ICMT: variants seen among roughly 807,000 people sequenced by gnomAD.
ICMT encodes the protein isoprenylcysteine carboxyl methyltransferase.
A neutral mutation model predicts 32.2 loss-of-function variants in ICMT; 10 were observed. That is an observed-to-expected ratio of 0.31 (90% CI 0.19 to 0.53). The LOEUF is 0.53. Ranked by LOEUF, ICMT falls within the 20% of genes least tolerant of loss-of-function variation. The pLI is 0.96. For synonymous variants in ICMT, 183 were observed against 158.2 expected (o/e 1.16, Z -1.18); for missense variants, 265 against 356.9 (o/e 0.74, Z 2.07).
chr1:6,225,366 C>T, intron 4 of ICMT, 104 bp from the exon 5 acceptor site: 1 of 1,084,546 alleles, frequency 9.2e-7, no homozygotes, highest in East Asian at 2.4e-5. Flanking sequence ...GTGCCCATGC[C>T]CTGCTGAGAC....
rs142874431 is a variant in ICMT, at chr1:6,223,487, GA to G, written c.*1592del. 17,781 of 152,440 alleles carry G rather than the reference GA, an allele frequency of 0.12. 1,366 individuals are homozygous for G. The highest frequency in any genetic ancestry group is 0.18 in the East Asian group (916 of 5,182). 9.4% of individuals were successfully genotyped at this position (152,440 alleles called of 1,614,324 possible). On this transcript the variant is annotated 3_prime_UTR_variant, in exon 5 of 5. Coordinates refer to ENST00000343813, the MANE Select transcript of ICMT (RefSeq NM_012405.4). ...ACAATGAAAAAATTCATTAAGCCATGAAATCTAGAAATAAGTCATATTTCTG... is the reference window on the plus strand; with the variant it reads ...ACAATGAAAAAATTCATTAAGCCATGAATCTAGAAATAAGTCATATTTCTG...
At chr1:6,234,756 C>T (rs994557642) in intron 2 of ICMT, 130 bp downstream of exon 2, 1 of 735,832 alleles carries the variant, frequency 1.4e-6, no homozygotes, top group South Asian at 1.6e-5. Context: ...AGCCAGGAGA[C>T]TTCGTTTCCA....
At chr1:6,231,805 A>T in intron 4 of ICMT, 97 bp downstream of exon 4, 1 of 772,892 alleles carries the variant, frequency 1.3e-6, no homozygotes, top group Non-Finnish European at 2.0e-6. Flanking sequence ...CTAATTGTAT[A>T]TTTTGAAATG....
rs922919012 is a variant in ICMT, at chr1:6,221,597, G to A, written c.*3483C>T. The A allele has an allele frequency of 1.3e-5, 2 of 152,694 alleles. No individual in the cohort carries two copies. The highest frequency in any genetic ancestry group is 2.1e-4 in the South Asian group (1 of 4,828). 9.5% of individuals were successfully genotyped at this position (152,694 alleles called of 1,614,324 possible). ...TACTCCTAAGCAGCTAGCTGTTGGC[G>A]AGATCTTACAAAGCCTGATCGGCTA... On this transcript the variant is annotated 3_prime_UTR_variant, in exon 5 of 5. Coordinates refer to ENST00000343813, the MANE Select transcript of ICMT (RefSeq NM_012405.4).
intron 4 of ICMT, among the ~76,000 whole-genome samples, chr1:6,228,926 C>T (rs989500526): frequency 1.1e-4 from 16 of 151,278 alleles, no homozygotes; most frequent in Non-Finnish European, 1.2e-4. Context: ...CAGCTACTCG[C>T]GGGGGCTGAG....
Position 6,235,775 on chromosome 1 carries a change from A to G in ICMT, c.137T>C (p.Leu46Pro). 7.5e-7 allele frequency: 1 copy of G among 1,341,256 alleles called. No individual in the cohort carries two copies. Among genetic ancestry groups the G allele is most frequent in the Non-Finnish European group, 9.6e-7 (1 of 1,037,102 alleles). 83.1% of individuals were successfully genotyped at this position (1,341,256 alleles called of 1,614,324 possible). Reference protein sequence around the residue: ...AGLQGRTGLALYVAGLNALLL... With the variant: ...AGLQGRTGLAPYVAGLNALLL... ...CAGCGCGTTGAGCCCGGCCACGTAG[A>G]GCGCCAGCCCGGTGCGGCCCTGCAG... Residue 46 changes from leucine (L) to proline (P), a missense_variant, in exon 1 of 5, where the codon CTC (leucine) becomes CCC (proline). Physicochemically the swap from Leu to Pro is moderately conservative, Grantham distance 98 (BLOSUM62 -3). Transcript: ENST00000343813.
Position 6,235,951 on chromosome 1 carries a change from T to TGC in ICMT, c.-41_-40insGC, listed in dbSNP as rs570018891. On this transcript the variant is annotated 5_prime_UTR_variant, in exon 1 of 5. Coordinates refer to ENST00000343813, the MANE Select transcript of ICMT (RefSeq NM_012405.4). ...GACTAGCGGGCGGCGGCGCCGGCTG[T>TGC]AGCCCGGAGAAACGCGCCGGCTGCG... 1.9e-5 allele frequency: 19 copies of TGC among 1,026,646 alleles called. No individual in the cohort carries two copies. Among genetic ancestry groups the TGC allele is most frequent in the African/African-American group, 5.3e-5 (3 of 57,104 alleles). The allele number at this position is 1,026,646 out of a possible 1,614,324, so 63.6% of individuals were successfully genotyped here. A position where few individuals can be genotyped will look rare whatever the true frequency, so the allele number is the denominator to read the frequency against.
intron 4 of ICMT, among the ~76,000 whole-genome samples, chr1:6,227,229 C>T (rs1373130886): frequency 6.6e-6 from 1 of 152,218 alleles, no homozygotes; most frequent in Admixed American, 6.5e-5. Flanking sequence ...TTCTAGTGCA[C>T]ACACATATAC....
intron 2 of ICMT, among the ~76,000 whole-genome samples, chr1:6,234,182 GT>G (rs1287169991): frequency 6.6e-6 from 1 of 152,158 alleles, no homozygotes; most frequent in Non-Finnish European, 1.5e-5. Context: ...GCAAGGGACT[GT>G]TTTTGAATGT....
At chr1:6,234,831 C>T (rs1668792387) in intron 2 of ICMT, 55 bp downstream of exon 2, 4 of 1,259,216 alleles carry the variant, frequency 3.2e-6, no homozygotes, top group Non-Finnish European at 4.7e-6. Flanking sequence ...CCGCTACAGA[C>T]CCTCTGATCT....
chr1:6,224,948 A>T lies in ICMT; in HGVS notation c.*132T>A. ...CAGGCCTTCTGACCGCTTGGTCTTG[A>T]GTGACATTCCAGAAGAGTGACTAAT... On this transcript the variant is annotated 3_prime_UTR_variant, in exon 5 of 5. Coordinates refer to ENST00000343813, the MANE Select transcript of ICMT (RefSeq NM_012405.4). 1.2e-6 allele frequency: 1 copy of T among 859,322 alleles called. No homozygotes were observed. Among genetic ancestry groups the T allele is most frequent in the Non-Finnish European group, 1.8e-6 (1 of 547,412 alleles). The allele number at this position is 859,322 out of a possible 1,614,324, so 53.2% of individuals were successfully genotyped here.
chr1:6,234,563 C>A (rs1557603843), intron 2 of ICMT: 1 of 484,376 alleles, frequency 2.1e-6, no homozygotes, highest in Non-Finnish European at 4.0e-6. Flanking sequence ...CAGAGCCCTG[C>A]CCCTGCCCGC....
Position 6,225,167 on chromosome 1 carries a change from A to G in ICMT, c.768T>C (p.Ile256=). The change falls in exon 5 of 5, where the codon ATT becomes ATC. Residue 256 remains isoleucine (I), a synonymous_variant. Coordinates refer to ENST00000343813, the MANE Select transcript of ICMT (RefSeq NM_012405.4). ...DRTEEEEISL[I]HFFGEEYLEY... ...CCAGGTACTCCTCTCCAAAAAAGTG[A>G]ATTAGTGAGATTTCTTCTTCTTCTG... The G allele has an allele frequency of 6.2e-7, 1 of 1,614,074 alleles. No individual in the cohort carries two copies. Among genetic ancestry groups the G allele is most frequent in the Non-Finnish European group, 8.5e-7 (1 of 1,180,000 alleles).
At chr1:6,232,558 T>G (rs1277553060) in intron 3 of ICMT, among the ~76,000 whole-genome samples, 7 of 152,240 alleles carry the variant, frequency 4.6e-5, no homozygotes, top group Non-Finnish European at 1.0e-4. Flanking sequence ...CGGAGGCTTT[T>G]ATTTTTTGAG....
chr1:6,231,377 C>A (rs561952297), intron 4 of ICMT, among the ~76,000 whole-genome samples: 6 of 151,976 alleles, frequency 3.9e-5, no homozygotes, highest in Non-Finnish European at 7.4e-5. Context: ...GTCCTCACCC[C>A]CTCTGGGGTG....
intron 4 of ICMT, among the ~76,000 whole-genome samples, chr1:6,227,541 A>C (rs1344802228): frequency 1.3e-5 from 2 of 152,194 alleles, no homozygotes; most frequent in Non-Finnish European, 2.9e-5. Context: ...GACCAAGAGT[A>C]AAGAATCAAG....
Position 6,235,863 on chromosome 1 carries a change from T to C in ICMT, c.49A>G (p.Ser17Gly). ...RAPPGSEARL[S>G]LATFLLGASV... ...GCGCCCAGCAGGAAGGTGGCGAGGC[T>C]GAGACGCGCCTCAGAGCCCGGCGGA... is the stretch of plus-strand genomic sequence containing the variant. Residue 17 changes from serine to glycine, a missense_variant, in exon 1 of 5, where the codon AGC (serine) becomes GGC (glycine). Physicochemically the swap from Ser to Gly is moderately conservative, Grantham distance 56. Coordinates refer to ENST00000343813, the MANE Select transcript of ICMT (RefSeq NM_012405.4). 1 of 1,215,942 alleles carries C rather than the reference T, an allele frequency of 8.2e-7. No individual in the cohort carries two copies. Among genetic ancestry groups the C allele is most frequent in the Non-Finnish European group, 1.0e-6 (1 of 973,136 alleles). The allele number at this position is 1,215,942 out of a possible 1,614,324, so 75.3% of individuals were successfully genotyped here.
At chr1:6,227,574 G>A (rs889915476) in intron 4 of ICMT, among the ~76,000 whole-genome samples, 5 of 152,204 alleles carry the variant, frequency 3.3e-5, no homozygotes, top group African/African-American at 9.7e-5. Flanking sequence ...GAAATAAGGC[G>A]GCCAGGCGCG....
chr1:6,225,541 C>T (rs1471812207), intron 4 of ICMT, among the ~76,000 whole-genome samples: 1 of 152,132 alleles, frequency 6.6e-6, no homozygotes, highest in Non-Finnish European at 1.5e-5. Flanking sequence ...CAGCAATGCC[C>T]CCCACCTCCA....
Sources: allele counts gnomAD v4.1 joint callset (sites outside exome capture counted in the v4.1 genomes callset), GRCh38; gene constraint gnomAD v4.1.1; transcripts MANE v1.5; gene names NCBI Gene and HGNC (gene_info 2026-07-23, HGNC 2026-07-21).